SMAP1: variants seen among roughly 807,000 people sequenced by gnomAD.
The protein encoded by SMAP1 is stromal membrane-associated protein 1.
A neutral mutation model predicts 58.5 loss-of-function variants in SMAP1; 24 were observed. The observed-to-expected ratio is 0.41, with a 90% CI of 0.30 to 0.58. SMAP1 has a LOEUF of 0.58. Among genes scored for constraint, SMAP1 ranks in the 20% least tolerant of loss-of-function variants. The probability of loss-of-function intolerance (pLI) is 0.29; values close to 1 mark genes in which losing one functional copy is unlikely to be tolerated. For synonymous variants in SMAP1, 216 were observed against 196.6 expected (o/e 1.10, Z -0.82); for missense variants, 563 against 566.3 (o/e 0.99, Z 0.06).
chr6:70,705,397 G>A (rs1433988586), intron 1 of SMAP1, among the ~76,000 whole-genome samples: 5 of 151,716 alleles, frequency 3.3e-5, no homozygotes, highest in African/African-American at 9.7e-5. Flanking sequence ...GATTACAGGC[G>A]CCTGCCACCA....
intron 2 of SMAP1, among the ~76,000 whole-genome samples, chr6:70,737,847 T>C (rs1453261818): frequency 6.6e-6 from 1 of 152,194 alleles, no homozygotes; most frequent in African/African-American, 2.4e-5. Flanking sequence ...TATAGTCTCT[T>C]TTTGTTTCTT....
At chr6:70,675,251 A>C (rs1366604258) in intron 1 of SMAP1, among the ~76,000 whole-genome samples, 1 of 136,840 alleles carries the variant, frequency 7.3e-6, no homozygotes, top group Non-Finnish European at 1.5e-5. Context: ...TTCACACTTT[A>C]CATATACTAA....
At chr6:70,757,533 C>T (rs1409589214) in intron 3 of SMAP1, among the ~76,000 whole-genome samples, 1 of 151,618 alleles carries the variant, frequency 6.6e-6, no homozygotes, top group African/African-American at 2.4e-5. Flanking sequence ...TCTAATTAAA[C>T]TAAAGAGCTT....
intron 4 of SMAP1, among the ~76,000 whole-genome samples, chr6:70,779,471 T>G (rs180721664): frequency 6.6e-6 from 1 of 152,134 alleles, no homozygotes; most frequent in African/African-American, 2.4e-5. Context: ...AGGCAGCTCC[T>G]TATACTAGAC....
intron 4 of SMAP1, among the ~76,000 whole-genome samples, chr6:70,789,185 T>C (rs1582191849): frequency 6.6e-6 from 1 of 152,320 alleles, no homozygotes; most frequent in East Asian, 1.9e-4. Context: ...AGTGACTTTA[T>C]TGAAATATAA....
intron 3 of SMAP1, among the ~76,000 whole-genome samples, chr6:70,760,842 C>A (rs1176282642): frequency 1.3e-5 from 2 of 152,056 alleles, no homozygotes; most frequent in Non-Finnish European, 2.9e-5. Flanking sequence ...GCAAAAGCTG[C>A]TGTGAAAGTG....
At chr6:70,855,634 T>G (rs1176553332) in intron 8 of SMAP1, among the ~76,000 whole-genome samples, 1 of 152,182 alleles carries the variant, frequency 6.6e-6, no homozygotes, top group African/African-American at 2.4e-5. Flanking sequence ...AGAACACTTT[T>G]GTGATCATTA....
At chr6:70,739,138 C>T (rs187328177) in intron 2 of SMAP1, among the ~76,000 whole-genome samples, 19 of 152,192 alleles carry the variant, frequency 1.2e-4, no homozygotes, top group African/African-American at 3.1e-4. Context: ...TTACTTAGAG[C>T]GGATTCCAAG....
intron 6 of SMAP1, among the ~76,000 whole-genome samples, chr6:70,813,709 G>C (rs537601246): frequency 2.0e-5 from 3 of 147,894 alleles, no homozygotes; most frequent in East Asian, 3.9e-4. Context: ...GGTAATATTT[G>C]TCTTTTAACA....
At chr6:70,787,337 A>C (rs902810728) in intron 4 of SMAP1, among the ~76,000 whole-genome samples, 8 of 152,246 alleles carry the variant, frequency 5.3e-5, no homozygotes, top group Non-Finnish European at 1.0e-4. Flanking sequence ...ACCTAAAACC[A>C]TAAAAGCCCT....
intron 1 of SMAP1, among the ~76,000 whole-genome samples, chr6:70,680,185 A>G (rs1581987666): frequency 6.6e-6 from 1 of 152,182 alleles, no homozygotes; most frequent in Non-Finnish European, 1.5e-5. Context: ...ACAAAAACTA[A>G]TTTGAGATGG....
At chr6:70,735,260 C>CTAGAAA (rs1219953231) in intron 2 of SMAP1, among the ~76,000 whole-genome samples, 4 of 152,166 alleles carry the variant, frequency 2.6e-5, no homozygotes, top group African/African-American at 9.7e-5. Context: ...TTCTGTCACA[C>CTAGAAA]TAGAAAGTTC....
At chr6:70,711,363 G>A (rs1768050294) in intron 1 of SMAP1, among the ~76,000 whole-genome samples, 1 of 151,910 alleles carries the variant, frequency 6.6e-6, no homozygotes, top group African/African-American at 2.4e-5. Flanking sequence ...CTGTAAATGT[G>A]GTCTGTCATT....
chr6:70,703,297 G>A (rs1453884583), intron 1 of SMAP1, among the ~76,000 whole-genome samples: 1 of 152,032 alleles, frequency 6.6e-6, no homozygotes, highest in Non-Finnish European at 1.5e-5. Flanking sequence ...GGTTGGTCTT[G>A]AACTGATCTC....
intron 1 of SMAP1, among the ~76,000 whole-genome samples, chr6:70,717,606 C>T (rs1159320221): frequency 6.6e-6 from 1 of 152,184 alleles, no homozygotes; most frequent in East Asian, 1.9e-4. Context: ...TTCTGGCTTT[C>T]TCTCAGAGGA....
At chr6:70,793,082 T>C (rs1768437717) in intron 5 of SMAP1, among the ~76,000 whole-genome samples, 1 of 152,172 alleles carries the variant, frequency 6.6e-6, no homozygotes, top group African/African-American at 2.4e-5. Context: ...GTTGCCAGGC[T>C]GGACTGCAGT....
At chr6:70,709,894 G>A (rs951508234) in intron 1 of SMAP1, among the ~76,000 whole-genome samples, 1 of 151,248 alleles carries the variant, frequency 6.6e-6, no homozygotes, top group Non-Finnish European at 1.5e-5. Context: ...TATAGTTTTC[G>A]GTGTGTAGAT....
At chr6:70,815,521 T>G (rs1582244500) in intron 6 of SMAP1, among the ~76,000 whole-genome samples, 2 of 152,108 alleles carry the variant, frequency 1.3e-5, no homozygotes, top group East Asian at 3.9e-4. Flanking sequence ...GAAAGAATAC[T>G]TTTTTTGGCG....
intron 1 of SMAP1, among the ~76,000 whole-genome samples, chr6:70,687,961 C>T (rs970005332): frequency 6.6e-6 from 1 of 152,160 alleles, no homozygotes; most frequent in African/African-American, 2.4e-5. Flanking sequence ...TTCTCTGTCC[C>T]ACCCCACCCA....
Sources: allele counts gnomAD v4.1 joint callset (sites outside exome capture counted in the v4.1 genomes callset), GRCh38; gene constraint gnomAD v4.1.1; transcripts MANE v1.5; gene names NCBI Gene and HGNC (gene_info 2026-07-23, HGNC 2026-07-21).